COL28A1: variants seen among roughly 807,000 people sequenced by gnomAD.
COL28A1 encodes the protein collagen type XXVIII alpha 1 chain.
A neutral mutation model predicts 150.2 loss-of-function variants in COL28A1; 161 were observed. The ratio of observed to expected loss-of-function variants is 1.07; its 90% CI spans 0.94 to 1.22. The LOEUF (loss-of-function observed/expected upper bound fraction) is 1.22, where lower values mean the gene tolerates loss of function less well. Ranked by LOEUF, COL28A1 falls within the 50% of genes most tolerant of loss-of-function variation. The pLI, the probability that COL28A1 is intolerant of heterozygous loss-of-function variation, is 0.00. For missense variants in COL28A1, 1,617 were observed against 1,388.3 expected (o/e 1.16, Z -2.62); for synonymous variants, 552 against 469.7 (o/e 1.18, Z -2.26).
the COL28A1 span, among the ~76,000 whole-genome samples, chr7:7,542,847 C>G: frequency 1.3e-5 from 2 of 152,004 alleles, no homozygotes; most frequent in African/African-American, 2.4e-5. Flanking sequence ...TCTCAAGTAC[C>G]AGCAATGAGA....
chr7:7,440,870 A>G lies in COL28A1; in HGVS notation c.1651-9T>C, dbSNP rs1244611851. ...TTCTTGCCTTCGTCACCCTAACAAAATAATTATGAAAATATAGATTTTCGT... is the reference window on the plus strand; with the variant it reads ...TTCTTGCCTTCGTCACCCTAACAAAGTAATTATGAAAATATAGATTTTCGT... On this transcript the variant is annotated splice_polypyrimidine_tract_variant and intron_variant, in intron 20 of 34. Coordinates refer to ENST00000399429, the MANE Select transcript of COL28A1 (RefSeq NM_001037763.3). 7.2e-7 allele frequency: 1 copy of G among 1,397,808 alleles called. No individual in the cohort carries two copies. 86.6% of individuals were successfully genotyped at this position (1,397,808 alleles called of 1,614,324 possible). A position where few individuals can be genotyped will look rare whatever the true frequency, so the allele number is the denominator to read the frequency against.
At chr7:7,489,308 C>G in intron 13 of COL28A1, 81 bp downstream of exon 13, 3 of 821,754 alleles carry the variant, frequency 3.7e-6, no homozygotes, top group South Asian at 1.4e-5. Context: ...GTGGATTAAT[C>G]TGACCATTTA....
chr7:7,459,310 G>T (rs930535157), intron 15 of COL28A1, among the ~76,000 whole-genome samples: 2 of 152,182 alleles, frequency 1.3e-5, no homozygotes, highest in African/African-American at 2.4e-5. Context: ...TGGAGTTGCT[G>T]TACAGCCAGA....
intron 34 of COL28A1, 59 bp downstream of exon 34, chr7:7,360,331 C>A (rs138420783): frequency 6.9e-7 from 1 of 1,453,694 alleles, no homozygotes; most frequent in African/African-American, 1.5e-5. Flanking sequence ...CCTTTGTGCA[C>A]CAAATCTGTG....
rs1780929081 is a variant in COL28A1, at chr7:7,366,300, C to T, written c.3066+4425G>A. On this transcript the variant is annotated intron_variant, in intron 33 of 34. Transcript: ENST00000399429. The stretch of plus-strand genomic sequence containing the variant: ...AATAGTTTTGAAAAAAGACCACACA[C>T]ATTAAATAGATGCATCCCAATTTCA... 6.6e-5 allele frequency among the ~76,000 whole-genome samples: 10 copies of T among 152,262 alleles called. No homozygotes were observed. In the South Asian group the frequency reaches 2.1e-3, roughly 32 times the overall value.
intron 27 of COL28A1, among the ~76,000 whole-genome samples, chr7:7,408,665 T>C (rs1158172538): frequency 6.6e-6 from 1 of 152,144 alleles, no homozygotes; most frequent in African/African-American, 2.4e-5. Context: ...TGTTTTTCCT[T>C]GTAAAGCTAG....
intron 11 of COL28A1, among the ~76,000 whole-genome samples, chr7:7,503,334 G>C (rs1057415248): frequency 3.9e-5 from 6 of 152,150 alleles, no homozygotes; most frequent in Admixed American, 1.3e-4. Context: ...GGTGGTATTA[G>C]TATTAAATGA....
chr7:7,532,912 C>T lies in COL28A1; in HGVS notation c.-37G>A, dbSNP rs1182650811. 1 of 1,522,710 alleles carries T rather than the reference C, an allele frequency of 6.6e-7. No individual in the cohort carries two copies. Among genetic ancestry groups the T allele is most frequent in the Non-Finnish European group, 8.8e-7 (1 of 1,138,990 alleles). The allele number at this position is 1,522,710 out of a possible 1,614,324, so 94.3% of individuals were successfully genotyped here. A position where few individuals can be genotyped will look rare whatever the true frequency, so the allele number is the denominator to read the frequency against. The stretch of plus-strand genomic sequence containing the variant: ...GTGAAAAATCATCTGTCTTGTAGCA[C>T]CTTTAATAGAAAAGTCAGTTACAAA... On this transcript the variant is annotated splice_region_variant and 5_prime_UTR_variant, in exon 2 of 35. It adds an upstream start codon to the 5' untranslated region. Coordinates refer to ENST00000399429, the MANE Select transcript of COL28A1 (RefSeq NM_001037763.3).
chr7:7,495,709 C>T (rs1246111691), intron 11 of COL28A1, among the ~76,000 whole-genome samples: 3 of 152,168 alleles, frequency 2.0e-5, no homozygotes. Flanking sequence ...TCCTCTACCA[C>T]GCGTCTCCAG....
At chr7:7,479,486 A>G (rs1371132798) in intron 13 of COL28A1, among the ~76,000 whole-genome samples, 1 of 152,220 alleles carries the variant, frequency 6.6e-6, no homozygotes, top group East Asian at 1.9e-4. Flanking sequence ...TTATCAGGGG[A>G]GTGCTGTGAA....
At chr7:7,443,826 TA>T (rs1432774588) in intron 19 of COL28A1, among the ~76,000 whole-genome samples, 173 bp from the exon 20 acceptor site, 3 of 152,148 alleles carry the variant, frequency 2.0e-5, no homozygotes, top group Non-Finnish European at 4.4e-5. Flanking sequence ...TGAAATAAAG[TA>T]ACATCAAACT....
At chr7:7,457,062 C>T (rs1787226411) in intron 15 of COL28A1, among the ~76,000 whole-genome samples, 1 of 152,156 alleles carries the variant, frequency 6.6e-6, no homozygotes. Context: ...GAACCATCTC[C>T]ATGAGGGAGA....
At chr7:7,517,697 A>C (rs1343301679) in intron 7 of COL28A1, 99 bp downstream of exon 7, 1 of 1,557,828 alleles carries the variant, frequency 6.4e-7, no homozygotes, top group Non-Finnish European at 8.8e-7. Flanking sequence ...GTAGATAGAA[A>C]TCACTTTTGC....
chr7:7,492,874 T>C (rs1014610167), intron 11 of COL28A1, among the ~76,000 whole-genome samples: 1 of 150,998 alleles, frequency 6.6e-6, no homozygotes, highest in Non-Finnish European at 1.5e-5. Context: ...CTTGTTTTTC[T>C]ATATTGATTA....
intron 13 of COL28A1, among the ~76,000 whole-genome samples, chr7:7,487,002 T>C (rs1779659996): frequency 6.6e-6 from 1 of 152,198 alleles, no homozygotes; most frequent in African/African-American, 2.4e-5. Flanking sequence ...CTGAAAAAGA[T>C]AGGGAGACTT....
rs769033701 is a variant in COL28A1, at chr7:7,432,718, T to G, written c.1861-18A>C. The G allele has an allele frequency of 7.5e-6, 12 of 1,602,118 alleles. No homozygotes were observed. The Admixed American group carries it at 1.8e-4, about 24-fold the overall frequency. On this transcript the variant is annotated intron_variant, in intron 23 of 34. Transcript: ENST00000399429. ...TGGACACCCTGGGTAAATTCCAACA[T>G]CAGTGATATCATGAGACTCAACTAG...
At chr7:7,465,039 C>T (rs957422747) in intron 15 of COL28A1, among the ~76,000 whole-genome samples, 22 of 152,108 alleles carry the variant, frequency 1.4e-4, no homozygotes, top group Admixed American at 3.3e-4. Flanking sequence ...CACCTTTATG[C>T]GCATAAACTA....
At chr7:7,450,964 G>A (rs1376189241) in intron 18 of COL28A1, among the ~76,000 whole-genome samples, 1 of 152,142 alleles carries the variant, frequency 6.6e-6, no homozygotes, top group East Asian at 1.9e-4. Context: ...GTGATATATG[G>A]TTTATGGATA....
intron 11 of COL28A1, among the ~76,000 whole-genome samples, chr7:7,505,659 C>T (rs1447777530): frequency 6.6e-6 from 1 of 152,072 alleles, no homozygotes; most frequent in Non-Finnish European, 1.5e-5. Context: ...GGTGGCATTA[C>T]ATTTGAGAAA....
Sources: allele counts gnomAD v4.1 joint callset (sites outside exome capture counted in the v4.1 genomes callset), GRCh38; gene constraint gnomAD v4.1.1; transcripts MANE v1.5; gene names NCBI Gene and HGNC (gene_info 2026-07-23, HGNC 2026-07-21).